SYNE3: variants seen among roughly 807,000 people sequenced by gnomAD.
The protein encoded by SYNE3 is nesprin-3.
In SYNE3, 100 loss-of-function variants were observed where a neutral mutation model predicts 111.2. The ratio of observed to expected loss-of-function variants is 0.90; its 90% CI spans 0.77 to 1.06. The LOEUF (loss-of-function observed/expected upper bound fraction) is 1.06, where lower values mean the gene tolerates loss of function less well. SYNE3 is among the 50% of genes least tolerant of loss of function. The pLI is 0.00. For missense variants in SYNE3, 1,160 were observed against 1,240.3 expected, an observed-to-expected ratio of 0.94 and a Z score of 0.97; for synonymous variants, 547 against 533.9, an observed-to-expected ratio of 1.02 and a Z score of -0.34.
Position 95,470,842 on chromosome 14 carries a change from T to C in SYNE3, c.145-2875A>G, listed in dbSNP as rs569157076. On this transcript the variant is annotated intron_variant, in intron 2 of 17. Transcript: ENST00000682763. This position sits in a 1 kb window ranked among gnomAD's most constrained non-coding sequence, Gnocchi z 4.2. ...GCATGGTGGCGCACACCTGTGATCC[T>C]AGCTACTCAGGAGGCTGAGGCAGGA... Among the ~76,000 whole-genome samples the C allele has an allele frequency of 7.9e-5, 12 of 151,822 alleles. No homozygotes were observed. In the South Asian group the frequency reaches 1.5e-3, roughly 18 times the overall value.
At chr14:95,429,880 C>A in intron 17 of SYNE3, 1 of 961,324 alleles carries the variant, frequency 1.0e-6, no homozygotes, top group South Asian at 4.8e-5. Flanking sequence ...GCTCTGGTCC[C>A]ATCCCCCTCT....
Position 95,423,541 on chromosome 14 carries a change from GA to G in SYNE3, c.2728-5516del, listed in dbSNP as rs1301603298. On this transcript the variant is annotated intron_variant, in intron 17 of 17. Transcript: ENST00000682763. The stretch of plus-strand genomic sequence containing the variant: ...GGGATGGGGATTTGATGGGGATGGG[GA>G]TTTGATGGGCATGGGGATTTGATGG... Among the ~76,000 whole-genome samples the G allele has an allele frequency of 6.0e-3, 512 of 84,992 alleles. 154 individuals carry two copies. Among genetic ancestry groups the G allele is most frequent in the African/African-American group, 0.012 (221 of 18,270 alleles). The allele number at this position is 84,992 out of a possible 152,430, so 55.8% of individuals were successfully genotyped here. A position where few individuals can be genotyped will look rare whatever the true frequency, so the allele number is the denominator to read the frequency against.
intron 17 of SYNE3, among the ~76,000 whole-genome samples, chr14:95,419,078 A>G (rs1731817316): frequency 6.6e-6 from 1 of 152,240 alleles, no homozygotes; most frequent in African/African-American, 2.4e-5. Flanking sequence ...AAAGTGGCCA[A>G]GAAAACATTT....
chr14:95,481,617 T>C (rs1595244816), intron 1 of SYNE3, among the ~76,000 whole-genome samples: 1 of 152,186 alleles, frequency 6.6e-6, no homozygotes, highest in East Asian at 1.9e-4. Flanking sequence ...CCTCTGGTCC[T>C]GCCAGAAGCC....
Position 95,467,865 on chromosome 14 carries a change from T to A in SYNE3, c.247A>T (p.Ile83Phe). ...TTGATGTCCTTCAGCCGGGCCAGGA[T>A]CCCGGGCTTCTGGTCCCCAGGGCAG... ...ACCPGDQKPG[I>F]LARLKDIKAQ... The change falls in exon 3 of 18, where the codon ATC (isoleucine) becomes TTC (phenylalanine). Residue 83 changes from isoleucine to phenylalanine, a missense_variant. Transcript: ENST00000682763. 6.2e-7 allele frequency: 1 copy of A among 1,614,200 alleles called. No individual in the cohort carries two copies. Among genetic ancestry groups the A allele is most frequent in the Non-Finnish European group, 8.5e-7 (1 of 1,180,032 alleles).
At chr14:95,506,545 T>C (rs1159041779) in intron 1 of SYNE3, among the ~76,000 whole-genome samples, 5 of 152,222 alleles carry the variant, frequency 3.3e-5, no homozygotes, top group Non-Finnish European at 7.3e-5. Context: ...CACCAGCAGC[T>C]GCGCCCTGTT....
intron 4 of SYNE3, among the ~76,000 whole-genome samples, chr14:95,460,817 G>A (rs141093194): frequency 0.012 from 1,790 of 152,316 alleles, 33 homozygotes; most frequent in African/African-American, 0.04. Flanking sequence ...AACAGACAGA[G>A]GCTGGATGCT....
intron 2 of SYNE3, among the ~76,000 whole-genome samples, chr14:95,474,626 G>A (rs1233917467): frequency 6.6e-6 from 1 of 152,218 alleles, no homozygotes; most frequent in African/African-American, 2.4e-5. Context: ...TCCTGCCTCT[G>A]GATGAGGCGG....
At chr14:95,487,709 C>T (rs560018555) in intron 1 of SYNE3, among the ~76,000 whole-genome samples, 1 of 152,050 alleles carries the variant, frequency 6.6e-6, no homozygotes, top group Non-Finnish European at 1.5e-5. Context: ...CCACCTCCCA[C>T]CTACACCCTC....
Position 95,500,211 on chromosome 14 carries a change from C to T in SYNE3, c.-15+16385G>A, listed in dbSNP as rs1195921235. On this transcript the variant is annotated intron_variant, in intron 1 of 17. Transcript: ENST00000682763. This position sits in a 1 kb window ranked among gnomAD's most constrained non-coding sequence, Gnocchi z 4.7. ...CCAGAGGACCCTTGAGACCTTCTCC[C>T]CAGAACCTTCACCTCCTTGGAGTCC... Among the ~76,000 whole-genome samples, 4 of 152,162 alleles carry T rather than the reference C, an allele frequency of 2.6e-5. No homozygotes were observed. The highest frequency in any genetic ancestry group is 5.9e-5 in the Non-Finnish European group (4 of 68,038).
At chr14:95,425,451 G>A (rs1045636548) in intron 17 of SYNE3, among the ~76,000 whole-genome samples, 5 of 152,156 alleles carry the variant, frequency 3.3e-5, no homozygotes, top group African/African-American at 9.7e-5. Flanking sequence ...GAGAGGTGGG[G>A]AGGGATGAGT....
At chr14:95,433,530 A>T in intron 15 of SYNE3, 121 bp from the exon 16 acceptor site, 1 of 1,381,860 alleles carries the variant, frequency 7.2e-7, no homozygotes, top group African/African-American at 1.4e-5. Flanking sequence ...GGAGGCAGAC[A>T]GAATCCATAA....
Position 95,440,073 on chromosome 14 carries a change from G to T in SYNE3, c.1914C>A (p.Asp638Glu). Residue 638 changes from aspartate to glutamate, a missense_variant and splice_region_variant, in exon 12 of 18, where the codon GAC (aspartate) becomes GAA (glutamate). Transcript: ENST00000682763. The part of the protein sequence containing the change: ...DFQALQRSLE[D>E]LVDRCRQSVQ... ...CACTCTGCCGACACCTGTCCACAAG[G>T]TCCTGCAGCACAGCCCGGGGAGCCC... The T allele has an allele frequency of 6.2e-7, 1 of 1,600,062 alleles. No homozygotes were observed. The highest frequency in any genetic ancestry group is 1.7e-5 in the Admixed American group (1 of 59,750).
At chr14:95,418,401 G>A (rs1555402544) in intron 17 of SYNE3, among the ~76,000 whole-genome samples, 1 of 152,086 alleles carries the variant, frequency 6.6e-6, no homozygotes, top group Non-Finnish European at 1.5e-5. Context: ...TGACAGAATT[G>A]TCATGAGGAT....
chr14:95,418,148 C>T (rs1226471760), intron 17 of SYNE3, 122 bp from the exon 18 acceptor site: 97 of 970,032 alleles, frequency 1.0e-4, no homozygotes, highest in Non-Finnish European at 5.6e-5. Flanking sequence ...TGACAGTACA[C>T]ATCTCCAGGT....
intron 4 of SYNE3, among the ~76,000 whole-genome samples, chr14:95,458,975 G>A (rs1050619782): frequency 3.3e-5 from 5 of 152,206 alleles, no homozygotes; most frequent in African/African-American, 1.2e-4. Context: ...GACTGGAGCT[G>A]GGACATTGCA....
chr14:95,510,795 A>C (rs557269235), intron 1 of SYNE3, among the ~76,000 whole-genome samples: 135 of 152,318 alleles, frequency 8.9e-4, no homozygotes, highest in African/African-American at 3.2e-3. Context: ...CTCAAAAAAA[A>C]AAAAGTGCAG....
chr14:95,455,402 A>G lies in SYNE3; in HGVS notation c.1112T>C (p.Leu371Pro). 6.4e-7 allele frequency: 1 copy of G among 1,553,676 alleles called. No homozygotes were observed. ...PAAKAGTEDE[L>P]VAHWRRYSAT... The stretch of plus-strand genomic sequence containing the variant: ...CGAGTAGCGTCTCCAGTGTGCCACC[A>G]GCTCGTCCTCGGTCCCCGCTTTCGC... Residue 371 changes from leucine (L) to proline (P), a missense_variant, in exon 6 of 18, where the codon CTG becomes CCG. Leu to Pro is a moderately conservative substitution (Grantham distance 98). Coordinates refer to ENST00000682763, the MANE Select transcript of SYNE3 (RefSeq NM_152592.6).
chr14:95,466,256 C>A lies in SYNE3; in HGVS notation c.318-16G>T. 6.5e-7 allele frequency: 1 copy of A among 1,544,838 alleles called. No individual in the cohort carries two copies. The highest frequency in any genetic ancestry group is 1.8e-5 in the Admixed American group (1 of 55,992). On this transcript the variant is annotated splice_polypyrimidine_tract_variant and intron_variant, in intron 3 of 17. Transcript: ENST00000682763. ...CTCGATGCGGCTGTGGGCACAGAGA[C>A]CTCAAGGTTGTGAGGGAACCAGCCA... is the stretch of plus-strand genomic sequence containing the variant.
Sources: allele counts gnomAD v4.1 joint callset (sites outside exome capture counted in the v4.1 genomes callset), GRCh38; gene constraint gnomAD v4.1.1; non-coding constraint Gnocchi (gnomAD v3.1); transcripts MANE v1.5; gene names NCBI Gene and HGNC (gene_info 2026-07-23, HGNC 2026-07-21).